Variants in SAMD14 observed in about 807,000 individuals in gnomAD.
SAMD14 encodes the protein sterile alpha motif domain containing 14, also known as sterile alpha motif domain-containing protein 14.
In SAMD14, 27 loss-of-function variants were observed where a neutral mutation model predicts 46.2. The observed-to-expected ratio is 0.58, with a 90% confidence interval of 0.43 to 0.81. The LOEUF (loss-of-function observed/expected upper bound fraction) is 0.81, where lower values mean the gene tolerates loss of function less well. Among genes scored for constraint, SAMD14 ranks in the 30% least tolerant of loss-of-function variants. SAMD14 has a pLI of 0.00. For missense variants in SAMD14, 559 were observed against 582.2 expected (o/e 0.96, Z 0.41); for synonymous variants, 241 against 254.3 (o/e 0.95, Z 0.50).
rs762755447 is a variant in SAMD14 at position 50,115,580 on chromosome 17, T to G, written c.806A>C (p.Lys269Thr). 11 of 1,553,484 alleles carry G rather than the reference T, an allele frequency of 7.1e-6. No homozygotes were observed. Among genetic ancestry groups the G allele is most frequent in the Admixed American group, 1.9e-5 (1 of 52,518 alleles). ...TGGACTTACCTGGGAAGCTGACTTC[T>G]TAGGGCTGAAGCCCTCGTGTTTAGG... The part of the protein sequence containing the change: ...CSPKHEGFSP[K>T]KSASQESTLS... The change falls in exon 7 of 10, where the codon AAG becomes ACG. Residue 269 changes from lysine to threonine, a missense_variant. Lys to Thr is a moderately conservative substitution (Grantham distance 78). Coordinates refer to ENST00000330175, the MANE Select transcript of SAMD14 (RefSeq NM_001257359.2). This position sits in a 1 kb window ranked among gnomAD's most constrained non-coding sequence, Gnocchi z 5.3.
intron 2 of SAMD14, among the ~76,000 whole-genome samples, chr17:50,121,708 A>C (rs774782999): frequency 2.0e-5 from 3 of 152,196 alleles, no homozygotes; most frequent in Non-Finnish European, 4.4e-5. Flanking sequence ...AGTCCATGCT[A>C]TTCAGCTCTC....
chr17:50,116,147 G>A (rs1008198529), intron 4 of SAMD14, 57 bp from the exon 5 acceptor site: 105 of 1,562,904 alleles, frequency 6.7e-5, no homozygotes, highest in Admixed American at 2.0e-4. Flanking sequence ...TGCCTCCTTC[G>A]GCTGCCAGTG....
chr17:50,118,392 A>C (rs1387814487), intron 2 of SAMD14, 65 bp from the exon 3 acceptor site: 1 of 1,568,216 alleles, frequency 6.4e-7, no homozygotes, highest in African/African-American at 1.4e-5. Flanking sequence ...CCAGAGGCCC[A>C]CCTCAGGGGC....
At chr17:50,119,535 C>T (rs1911401806) in intron 2 of SAMD14, among the ~76,000 whole-genome samples, 1 of 152,160 alleles carries the variant, frequency 6.6e-6, no homozygotes, top group Non-Finnish European at 1.5e-5. Flanking sequence ...TATTTCCAGC[C>T]TTGACACCCT....
At chr17:50,119,436 C>T (rs181530532) in intron 2 of SAMD14, among the ~76,000 whole-genome samples, 1 of 152,240 alleles carries the variant, frequency 6.6e-6, no homozygotes, top group East Asian at 1.9e-4. Context: ...GTCACTCATG[C>T]CCACCCTGCC....
rs1436339689 is a variant in SAMD14, at chr17:50,116,062, CTCA to C, written c.525_527del (p.Glu176del). On this transcript the variant is annotated inframe_deletion, in exon 5 of 10. Coordinates refer to ENST00000330175, the MANE Select transcript of SAMD14 (RefSeq NM_001257359.2). ...CGAGGCCGATGGTGGGGCTGGCGGG[CTCA>C]GGAGGACTGGCGTCACGGCTGTCAT... 1 of 1,613,776 alleles carries C rather than the reference CTCA, an allele frequency of 6.2e-7. No homozygotes were observed. Among genetic ancestry groups the C allele is most frequent in the East Asian group, 2.2e-5 (1 of 44,872 alleles).
intron 2 of SAMD14, among the ~76,000 whole-genome samples, chr17:50,118,542 C>G (rs1359901845): frequency 6.6e-6 from 1 of 152,248 alleles, no homozygotes; most frequent in Non-Finnish European, 1.5e-5. Context: ...CGCTAAAATA[C>G]AGCGCCGTGT....
chr17:50,126,194 C>T (rs1357255661), intron 1 of SAMD14, among the ~76,000 whole-genome samples: 3 of 152,150 alleles, frequency 2.0e-5, no homozygotes, highest in African/African-American at 7.2e-5. Flanking sequence ...CTAGATCATA[C>T]ATGTGTCAGA....
rs1175748628 is a variant in SAMD14 at position 50,113,283 on chromosome 17, C to T, written c.1099-235G>A. On this transcript the variant is annotated intron_variant, in intron 9 of 9. Transcript: ENST00000330175. ...TGGGGGTATTAGGCGCTTCCTCCTC[C>T]TCCCCCACCATTCCTCCACTCAGTA... is the stretch of plus-strand genomic sequence containing the variant. 2.5e-5 allele frequency: 13 copies of T among 521,364 alleles called. No homozygotes were observed. In the Admixed American group the frequency reaches 4.5e-4, roughly 18 times the overall value. 32.3% of individuals were successfully genotyped at this position (521,364 alleles called of 1,614,324 possible). A position where few individuals can be genotyped will look rare whatever the true frequency, so the allele number is the denominator to read the frequency against.
chr17:50,117,254 G>T (rs1338345360), intron 4 of SAMD14, among the ~76,000 whole-genome samples, 153 bp downstream of exon 4: 1 of 152,240 alleles, frequency 6.6e-6, no homozygotes, highest in Non-Finnish European at 1.5e-5. Context: ...GTAGGCGCTC[G>T]GTAAAGAATG....
In SAMD14 at chr17:50,114,096, G is replaced by A; in HGVS notation, c.943-17C>T. 1 of 1,613,822 alleles carries A rather than the reference G, an allele frequency of 6.2e-7. No homozygotes were observed. Among genetic ancestry groups the A allele is most frequent in the Non-Finnish European group, 8.5e-7 (1 of 1,180,022 alleles). Reference sequence around the variant, plus strand: ...ATCCAGGAACTGGGCAGAGACCAAGGAGAGTGAGGGGGAGGCTTGGCCTGT... The same window carrying A: ...ATCCAGGAACTGGGCAGAGACCAAGAAGAGTGAGGGGGAGGCTTGGCCTGT... On this transcript the variant is annotated splice_polypyrimidine_tract_variant and intron_variant, in intron 8 of 9. Coordinates refer to ENST00000330175, the MANE Select transcript of SAMD14 (RefSeq NM_001257359.2).
chr17:50,120,372 G>A (rs1056343738), intron 2 of SAMD14, among the ~76,000 whole-genome samples: 2 of 152,096 alleles, frequency 1.3e-5, no homozygotes, highest in African/African-American at 4.8e-5. Context: ...AGGAAAGGGA[G>A]GGAAGTGAGA....
intron 1 of SAMD14, among the ~76,000 whole-genome samples, chr17:50,128,197 G>T (rs1911864269): frequency 1.3e-5 from 2 of 152,266 alleles, no homozygotes; most frequent in Non-Finnish European, 2.9e-5. Context: ...CCAGGGTCGA[G>T]ATCCTCTGCT....
chr17:50,123,966 C>G (rs1241533941), intron 2 of SAMD14: 1 of 406,454 alleles, frequency 2.5e-6, no homozygotes, highest in African/African-American at 2.0e-5. Flanking sequence ...CTGGAGGAGA[C>G]TGGGATGGGA....
At chr17:50,116,330 C>G (rs1407820395) in intron 4 of SAMD14, 3 of 511,932 alleles carry the variant, frequency 5.9e-6, no homozygotes, top group Non-Finnish European at 1.0e-5. Flanking sequence ...TTATGACAGC[C>G]TTTTACAAAC....
At chr17:50,117,305 C>A (rs1343956223) in intron 4 of SAMD14, 102 bp downstream of exon 4, 3 of 1,154,646 alleles carry the variant, frequency 2.6e-6, no homozygotes, top group African/African-American at 3.2e-5. Flanking sequence ...CCCAGCCACC[C>A]TGCTCAGCTG....
At chr17:50,128,164 T>C (rs1911863146) in intron 1 of SAMD14, among the ~76,000 whole-genome samples, 1 of 152,148 alleles carries the variant, frequency 6.6e-6, no homozygotes, top group Non-Finnish European at 1.5e-5. Flanking sequence ...GAAGATCCTG[T>C]GTTCTTTATT....
Position 50,129,275 on chromosome 17 carries a change from C to G in SAMD14, c.-13+242G>C, listed in dbSNP as rs986245395. On this transcript the variant is annotated intron_variant, in intron 1 of 9. Transcript: ENST00000330175. The surrounding 1 kb of genome is among the most constrained non-coding windows in gnomAD (Gnocchi z 5.6). The stretch of plus-strand genomic sequence containing the variant: ...GAGTTAAGCCCTCTCCCCCTCCCCC[C>G]ACACCAGCTTTTTATTAATTTCTCC... 1.3e-5 allele frequency among the ~76,000 whole-genome samples: 2 copies of G among 152,052 alleles called. No homozygotes were observed. The highest frequency in any genetic ancestry group is 1.9e-4 in the East Asian group (1 of 5,178).
chr17:50,116,173 T>C, intron 4 of SAMD14, 83 bp from the exon 5 acceptor site: 1 of 1,515,550 alleles, frequency 6.6e-7, no homozygotes, highest in Non-Finnish European at 8.8e-7. Flanking sequence ...TGGTAGAAAT[T>C]CTCTTGACTT....
Sources: allele counts gnomAD v4.1 joint callset (sites outside exome capture counted in the v4.1 genomes callset), GRCh38; gene constraint gnomAD v4.1.1; non-coding constraint Gnocchi (gnomAD v3.1); transcripts MANE v1.5; gene names NCBI Gene and HGNC (gene_info 2026-07-23, HGNC 2026-07-21).